The following C2orf49 variants were observed in gnomAD, a reference collection of about 807,000 sequenced individuals.
C2orf49 encodes tRNA splicing ligase complex subunit 2, also known as tRNA-splicing ligase complex subunit ASW.
Under a neutral mutation model 20.6 loss-of-function variants are expected in C2orf49, and 11 were observed. That is an observed-to-expected ratio of 0.53 (90% CI 0.34 to 0.88). The LOEUF is 0.88. Among genes scored for constraint, C2orf49 ranks in the 40% least tolerant of loss-of-function variants. The pLI, the probability that C2orf49 is intolerant of heterozygous loss-of-function variation, is 0.02. For synonymous variants in C2orf49, 134 were observed against 108.5 expected, an observed-to-expected ratio of 1.24 and a Z score of -1.46; for missense variants, 289 against 274.2, an observed-to-expected ratio of 1.05 and a Z score of -0.38.
chr2:105,368,167 C>T, the C2orf49 span, among the ~76,000 whole-genome samples: 19,297 of 152,188 alleles, frequency 0.13, 1,534 homozygotes, highest in Admixed American at 0.25. Flanking sequence ...GTCTGGTTCA[C>T]AGCAGGATGG....
the C2orf49 span, chr2:105,359,509 C>T: frequency 1.3e-5 from 2 of 152,200 alleles, no homozygotes; most frequent in Non-Finnish European, 2.9e-5. Flanking sequence ...TTTTCTGTTG[C>T]TCAGCCTATC....
the C2orf49 span, among the ~76,000 whole-genome samples, chr2:105,370,974 A>G: frequency 6.6e-6 from 1 of 152,198 alleles, no homozygotes; most frequent in East Asian, 1.9e-4. Context: ...TTCTTACCAC[A>G]GAGCCTGAAT....
chr2:105,374,997 C>G, the C2orf49 span, among the ~76,000 whole-genome samples: 1 of 152,166 alleles, frequency 6.6e-6, no homozygotes, highest in African/African-American at 2.4e-5. Flanking sequence ...GTCTCTGTTA[C>G]TGAAACCGAA....
the C2orf49 span, among the ~76,000 whole-genome samples, chr2:105,382,039 C>A: frequency 6.6e-6 from 1 of 152,154 alleles, no homozygotes; most frequent in South Asian, 2.1e-4. Context: ...TGTGTGAAAA[C>A]CTTCGTCTCC....
At chr2:105,342,629 C>T (rs1331529064) in intron 2 of C2orf49, among the ~76,000 whole-genome samples, 1 of 152,120 alleles carries the variant, frequency 6.6e-6, no homozygotes, top group Non-Finnish European at 1.5e-5. Context: ...TACATGAAAG[C>T]TAACTTTGAA....
chr2:105,366,435 C>T, the C2orf49 span, among the ~76,000 whole-genome samples: 3 of 152,146 alleles, frequency 2.0e-5, no homozygotes, highest in Non-Finnish European at 4.4e-5. Context: ...AGGAGGAGAG[C>T]GAACAGAACC....
the C2orf49 span, chr2:105,359,319 A>G: frequency 2.6e-5 from 4 of 152,234 alleles, no homozygotes; most frequent in African/African-American, 7.2e-5. Context: ...TATGAAGTAG[A>G]AAACAGCAAA....
chr2:105,347,839 C>T lies in C2orf49; in HGVS notation c.*2468C>T, dbSNP rs1286333815. Reference sequence around the variant, plus strand: ...AAACAACTTTAGAATACTAGTTACTCACTAACATGAGGCGGGTAATGTTGC... The same window carrying T: ...AAACAACTTTAGAATACTAGTTACTTACTAACATGAGGCGGGTAATGTTGC... On this transcript the variant is annotated 3_prime_UTR_variant, in exon 4 of 4. Coordinates refer to ENST00000258457, the MANE Select transcript of C2orf49 (RefSeq NM_024093.3). The T allele has an allele frequency of 4.6e-5, 7 of 152,180 alleles. No individual in the cohort carries two copies. The highest frequency in any genetic ancestry group is 1.7e-4 in the African/African-American group (7 of 41,436). The allele number at this position is 152,180 out of a possible 1,614,324, so 9.4% of individuals were successfully genotyped here.
chr2:105,363,095 G>C, the C2orf49 span: 2 of 588,202 alleles, frequency 3.4e-6, no homozygotes, highest in South Asian at 4.5e-5. Context: ...GCAGAGGAAG[G>C]AATCATTACT....
intron 1 of C2orf49, among the ~76,000 whole-genome samples, chr2:105,339,015 G>A (rs779970696): frequency 5.3e-5 from 8 of 152,248 alleles, no homozygotes; most frequent in South Asian, 2.1e-4. Context: ...AAAATGGGGT[G>A]CAGGCTTTTC....
chr2:105,375,245 C>T, the C2orf49 span: 66,558 of 152,008 alleles, frequency 0.44, 15,377 homozygotes, highest in African/African-American at 0.58. Flanking sequence ...GATCTCTTTG[C>T]GCATTTTGTT....
chr2:105,364,758 A>G, the C2orf49 span, among the ~76,000 whole-genome samples: 1 of 152,186 alleles, frequency 6.6e-6, no homozygotes, highest in Non-Finnish European at 1.5e-5. Context: ...CTTTACATAA[A>G]GCTTGTGAAG....
chr2:105,342,624 G>A (rs1255398886), intron 2 of C2orf49, among the ~76,000 whole-genome samples: 2 of 152,178 alleles, frequency 1.3e-5, no homozygotes, highest in African/African-American at 2.4e-5. Flanking sequence ...GTGTATACAT[G>A]AAAGCTAACT....
downstream of C2orf49, among the ~76,000 whole-genome samples, chr2:105,352,024 A>C (rs1281906438): frequency 6.6e-6 from 1 of 152,188 alleles, no homozygotes; most frequent in Non-Finnish European, 1.5e-5. Flanking sequence ...TCCCACTCCA[A>C]CAGTGAGAAA....
In C2orf49 at chr2:105,337,700, G is replaced by A; in HGVS notation, c.99+14G>A. The A allele has an allele frequency of 1.1e-6, 1 of 909,740 alleles. No homozygotes were observed. The highest frequency in any genetic ancestry group is 1.6e-6 in the Non-Finnish European group (1 of 629,144). 56.4% of individuals were successfully genotyped at this position (909,740 alleles called of 1,614,324 possible). Reference sequence around the variant, plus strand: ...ACTCTGGAGCAGGTTGGGCGCGCCGGATCGGAGGGTGGGCGGGTGGGCCTT... The same window carrying A: ...ACTCTGGAGCAGGTTGGGCGCGCCGAATCGGAGGGTGGGCGGGTGGGCCTT... On this transcript the variant is annotated intron_variant, in intron 1 of 3. Transcript: ENST00000258457.
downstream of C2orf49, among the ~76,000 whole-genome samples, chr2:105,353,631 C>G (rs144446457): frequency 8.5e-5 from 13 of 152,286 alleles, no homozygotes; most frequent in East Asian, 2.3e-3. Flanking sequence ...AAGCTTTATT[C>G]TTCCTGGGCT....
chr2:105,361,356 A>T, the C2orf49 span: 1 of 1,614,116 alleles, frequency 6.2e-7, no homozygotes, highest in Non-Finnish European at 8.5e-7. Flanking sequence ...CACCAGTGAG[A>T]GGGAGCACTT....
chr2:105,361,529 T>C, the C2orf49 span: 1 of 1,164,052 alleles, frequency 8.6e-7, no homozygotes, highest in Non-Finnish European at 1.2e-6. Flanking sequence ...TTTCAAAGTT[T>C]GGATTGTGTA....
chr2:105,339,083 A>G (rs1355597839), intron 1 of C2orf49, among the ~76,000 whole-genome samples: 2 of 152,228 alleles, frequency 1.3e-5, no homozygotes, highest in Non-Finnish European at 2.9e-5. Flanking sequence ...TTGTGGTATT[A>G]TTTGAAATCT....
Sources: gnomAD v4.1 joint callset for allele counts (sites outside exome capture counted in the v4.1 genomes callset) on GRCh38, gnomAD v4.1.1 for gene constraint, MANE v1.5 for transcripts, NCBI Gene and HGNC (gene_info 2026-07-23, HGNC 2026-07-21) for gene names.